The following DYNC2LI1 variants were observed in gnomAD, a reference collection of about 807,000 sequenced individuals.
The protein encoded by DYNC2LI1 is cytoplasmic dynein 2 light intermediate chain 1.
In DYNC2LI1, 45 loss-of-function variants were observed where a neutral mutation model predicts 51.9. That is an observed-to-expected ratio of 0.87 (90% confidence interval 0.68 to 1.11). DYNC2LI1 has a LOEUF of 1.11. DYNC2LI1 is among the 50% of genes most tolerant of loss of function. DYNC2LI1 has a pLI of 0.00. For synonymous variants in DYNC2LI1, 130 were observed against 137.8 expected (o/e 0.94, Z 0.40); for missense variants, 490 against 417.4 (o/e 1.17, Z -1.51).
At chr2:43,813,819 G>C (rs1187360744), downstream of DYNC2LI1, among the ~76,000 whole-genome samples, 1 of 140,494 alleles carries the variant, frequency 7.1e-6, no homozygotes, top group East Asian at 2.3e-4. Flanking sequence ...CCAGATTCAA[G>C]TGATTCTCAT....
the DYNC2LI1 span, among the ~76,000 whole-genome samples, chr2:43,825,974 G>A: frequency 2.7e-5 from 4 of 149,634 alleles, no homozygotes; most frequent in Non-Finnish European, 4.5e-5. Context: ...TAGCACTAAC[G>A]GTTTTTTGTT....
chr2:43,811,105 T>C (rs1004711394), downstream of DYNC2LI1, among the ~76,000 whole-genome samples: 6 of 152,350 alleles, frequency 3.9e-5, no homozygotes, highest in African/African-American at 7.2e-5. Context: ...TTTCCACTTA[T>C]GTTGTACACC....
chr2:43,815,939 C>CA, the DYNC2LI1 span, among the ~76,000 whole-genome samples: 1 of 144,950 alleles, frequency 6.9e-6, no homozygotes, highest in Admixed American at 6.9e-5. Flanking sequence ...GACCAGACTA[C>CA]AAAAAAAGTT....
intron 3 of DYNC2LI1, among the ~76,000 whole-genome samples, chr2:43,784,883 A>C (rs1303906247): frequency 6.6e-6 from 1 of 152,210 alleles, no homozygotes; most frequent in Non-Finnish European, 1.5e-5. Context: ...ATATAACCGA[A>C]TATTACTCTC....
rs150111825 is a variant in DYNC2LI1 at position 43,782,890 on chromosome 2, G to A, written c.127-630G>A. Among the ~76,000 whole-genome samples the A allele has an allele frequency of 1.2e-3, 179 of 152,272 alleles. 1 individual carries two copies. The highest frequency in any genetic ancestry group is 3.1e-3 in the East Asian group (16 of 5,182). ...CCAGCTACTTGAGAGGGTGAGGCAC[G>A]AGAATCACTTGAGCCCAGGAGGCAG... On this transcript the variant is annotated intron_variant, in intron 2 of 12. Transcript: ENST00000260605.
intron 6 of DYNC2LI1, chr2:43,795,085 T>A: frequency 9.9e-7 from 1 of 1,010,288 alleles, no homozygotes; most frequent in Non-Finnish European, 1.2e-6. Flanking sequence ...TTATTCAGTA[T>A]CTTTTTATCA....
At chr2:43,792,280 T>C (rs982675862) in intron 5 of DYNC2LI1, among the ~76,000 whole-genome samples, 1 of 152,170 alleles carries the variant, frequency 6.6e-6, no homozygotes, top group African/African-American at 2.4e-5. Context: ...CCAACAGAAT[T>C]GTTACTGTTT....
the DYNC2LI1 span, chr2:43,823,043 A>T: frequency 6.7e-7 from 1 of 1,483,086 alleles, no homozygotes; most frequent in Non-Finnish European, 9.2e-7. Context: ...GGTGAGGACC[A>T]GCTAGGGGGG....
At chr2:43,795,090 T>C (rs1041666909) in intron 6 of DYNC2LI1, 79 of 1,007,084 alleles carry the variant, frequency 7.8e-5, no homozygotes, top group Non-Finnish European at 9.1e-5. Context: ...CAGTATCTTT[T>C]TATCATCTGA....
chr2:43,822,657 G>C, the DYNC2LI1 span: 2 of 1,544,744 alleles, frequency 1.3e-6, no homozygotes, highest in Non-Finnish European at 1.8e-6. Context: ...TGGAAGATAC[G>C]ACATTGCACT....
At chr2:43,821,907 G>C in the DYNC2LI1 span, among the ~76,000 whole-genome samples, 4 of 151,742 alleles carry the variant, frequency 2.6e-5, no homozygotes, top group Non-Finnish European at 5.9e-5. Flanking sequence ...ATCTTTGAAA[G>C]TGTGACCCTA....
intron 12 of DYNC2LI1, 116 bp from the exon 13 acceptor site, chr2:43,809,589 T>C: frequency 1.4e-6 from 1 of 701,876 alleles, no homozygotes; most frequent in Non-Finnish European, 2.5e-6. Context: ...ATATTTAGAA[T>C]GATAATGCTA....
At chr2:43,803,317 T>TA in intron 10 of DYNC2LI1, among the ~76,000 whole-genome samples, 1 of 152,284 alleles carries the variant, frequency 6.6e-6, no homozygotes, top group South Asian at 2.1e-4. Flanking sequence ...GGTACATCTG[T>TA]ACCAGGAAAC....
chr2:43,815,876 T>C, the DYNC2LI1 span, among the ~76,000 whole-genome samples: 6 of 134,890 alleles, frequency 4.4e-5, no homozygotes, highest in African/African-American at 1.7e-4. Flanking sequence ...GCAAGAAGGA[T>C]GGCTAGAATG....
chr2:43,779,994 A>G (rs1558664037), intron 2 of DYNC2LI1, among the ~76,000 whole-genome samples: 1 of 152,184 alleles, frequency 6.6e-6, no homozygotes, highest in Non-Finnish European at 1.5e-5. Context: ...AATGGTATTT[A>G]ACAGAGATGA....
chr2:43,823,792 G>A, the DYNC2LI1 span: 34 of 1,164,850 alleles, frequency 2.9e-5, no homozygotes, highest in East Asian at 7.5e-4. Context: ...GAGGGAACCT[G>A]GAGAGGGCTG....
intron 10 of DYNC2LI1, among the ~76,000 whole-genome samples, chr2:43,803,872 G>T (rs1032513576): frequency 2.0e-5 from 3 of 152,160 alleles, no homozygotes; most frequent in East Asian, 3.8e-4. Context: ...GCAAATGGCA[G>T]CAAAGTTTTA....
chr2:43,812,975 GA>G, downstream of DYNC2LI1: 1 of 677,466 alleles, frequency 1.5e-6, no homozygotes, highest in Non-Finnish European at 2.7e-6. Context: ...TTGGATCCAA[GA>G]GGCACAAATG....
At chr2:43,791,836 C>T (rs1673808972) in intron 5 of DYNC2LI1, among the ~76,000 whole-genome samples, 1 of 152,028 alleles carries the variant, frequency 6.6e-6, no homozygotes, top group African/African-American at 2.4e-5. Flanking sequence ...AGAACATTTC[C>T]TGTAGTCTGA....
Sources: gnomAD v4.1 joint callset for allele counts (sites outside exome capture counted in the v4.1 genomes callset) on GRCh38, gnomAD v4.1.1 for gene constraint, MANE v1.5 for transcripts, NCBI Gene and HGNC (gene_info 2026-07-23, HGNC 2026-07-21) for gene names.